Variants in ANKFY1 observed in about 807,000 individuals in gnomAD.
The protein encoded by ANKFY1 is ankyrin repeat and FYVE domain-containing protein 1.
Under a neutral mutation model 128.3 loss-of-function variants are expected in ANKFY1, and 47 were observed. The ratio of observed to expected loss-of-function variants is 0.37; its 90% confidence interval spans 0.29 to 0.47. The LOEUF is 0.47. Ranked by LOEUF, ANKFY1 falls within the 20% of genes least tolerant of loss-of-function variation. ANKFY1 has a pLI of 1.00. For synonymous variants in ANKFY1, 553 were observed against 601.6 expected (o/e 0.92, Z 1.18); for missense variants, 1,222 against 1,510.6 (o/e 0.81, Z 3.17).
chr17:4,247,517 A>T (rs901618090), intron 1 of ANKFY1, among the ~76,000 whole-genome samples: 1 of 152,140 alleles, frequency 6.6e-6, no homozygotes, highest in African/African-American at 2.4e-5. Flanking sequence ...TCACTAATGC[A>T]CTCAGGCAGC....
At chr17:4,185,639 T>C (rs985934851) in intron 11 of ANKFY1, among the ~76,000 whole-genome samples, 2 of 152,214 alleles carry the variant, frequency 1.3e-5, no homozygotes, top group East Asian at 3.8e-4. Context: ...GTTCCACCCT[T>C]AGTTTCTTCA....
chr17:4,237,135 C>G (rs1466478754), intron 2 of ANKFY1, among the ~76,000 whole-genome samples: 3 of 145,978 alleles, frequency 2.1e-5, no homozygotes, highest in African/African-American at 7.5e-5. Flanking sequence ...CACTCTGTCT[C>G]AAAAAAAAAA....
chr17:4,257,028 CA>C (rs1431115831), intron 1 of ANKFY1, among the ~76,000 whole-genome samples: 1 of 152,162 alleles, frequency 6.6e-6, no homozygotes, highest in Non-Finnish European at 1.5e-5. Flanking sequence ...GTATACTGGG[CA>C]AAGCAAATAT....
At chr17:4,172,787 C>G in intron 21 of ANKFY1, 107 bp from the exon 22 acceptor site, 1 of 1,407,960 alleles carries the variant, frequency 7.1e-7, no homozygotes, top group Non-Finnish European at 9.5e-7. Context: ...CTAAAAGACA[C>G]AAAACAAGTC....
chr17:4,182,229 C>T lies in ANKFY1; in HGVS notation c.2073G>A (p.Pro691=), dbSNP rs1401004319. 16 of 1,581,574 alleles carry T rather than the reference C, an allele frequency of 1.0e-5. No homozygotes were observed. The highest frequency in any genetic ancestry group is 9.4e-5 in the African/African-American group (7 of 74,506). Residue 691 remains proline (P), a synonymous_variant, in exon 15 of 25, where the codon CCG becomes CCA. Transcript: ENST00000341657. ...MSVPDEKGNP[P]LWLALANNLE... Reference sequence around the variant, plus strand: ...GATTGTTTGCCAATGCAAGCCACAGCGGGGGGTTCCCCTTCTCATCTGGCA... The same window carrying T: ...GATTGTTTGCCAATGCAAGCCACAGTGGGGGGTTCCCCTTCTCATCTGGCA...
chr17:4,223,847 C>T, intron 3 of ANKFY1: 1 of 1,122,458 alleles, frequency 8.9e-7, no homozygotes, highest in African/African-American at 1.6e-5. Flanking sequence ...CTCGCAATCC[C>T]ACAGCATCAG....
chr17:4,227,698 T>G (rs2060447622), intron 3 of ANKFY1, among the ~76,000 whole-genome samples: 1 of 152,190 alleles, frequency 6.6e-6, no homozygotes, highest in South Asian at 2.1e-4. Context: ...TGCCACATTT[T>G]GAAAAGGCCA....
chr17:4,216,949 T>G, intron 4 of ANKFY1, 34 bp downstream of exon 4: 1 of 1,613,440 alleles, frequency 6.2e-7, no homozygotes, highest in Non-Finnish European at 8.5e-7. Flanking sequence ...GCCACCACCA[T>G]CTGAGGTGCT....
In ANKFY1 at chr17:4,195,202, A is replaced by G. The variant is rs752716493; in HGVS notation, c.1173-25T>C. 2.5e-6 allele frequency: 4 copies of G among 1,580,872 alleles called. No homozygotes were observed. In the East Asian group the frequency reaches 6.7e-5, roughly 27 times the overall value. On this transcript the variant is annotated intron_variant, in intron 9 of 24. Coordinates refer to ENST00000341657, the MANE Select transcript of ANKFY1 (RefSeq NM_001330063.2). ...TCTGAAAAGCAGAAGCAGTGTCAAC[A>G]GCACATACAATCTTTTTGAGACACT... is the stretch of plus-strand genomic sequence containing the variant.
At chr17:4,184,445 CT>C (rs1275647890) in intron 12 of ANKFY1, among the ~76,000 whole-genome samples, 1 of 152,220 alleles carries the variant, frequency 6.6e-6, no homozygotes, top group Non-Finnish European at 1.5e-5. Flanking sequence ...GGGGCTGCCC[CT>C]GGCCCCTCTT....
At position 4,242,377 on chromosome 17, in the gene ANKFY1, C is replaced by T. The variant is rs746011410; in HGVS notation, c.82G>A (p.Ala28Thr). The change falls in exon 2 of 25, where the codon GCG becomes ACG. Residue 28 changes from alanine to threonine, a missense_variant. Physicochemically the swap from Ala to Thr is moderately conservative, Grantham distance 58 (BLOSUM62 0). Transcript: ENST00000341657. ...QEYVKLQKKL[A>T]ETEKRCALLA... Reference sequence around the variant, plus strand: ...AGAGCGCAGCGCTTCTCTGTCTCCGCCAGCTTCTTCTGCAGCTTGACATAC... The same window carrying T: ...AGAGCGCAGCGCTTCTCTGTCTCCGTCAGCTTCTTCTGCAGCTTGACATAC... 3 of 1,605,186 alleles carry T rather than the reference C, an allele frequency of 1.9e-6. No individual in the cohort carries two copies. The highest frequency in any genetic ancestry group is 2.6e-6 in the Non-Finnish European group (3 of 1,176,464).
At chr17:4,186,686 T>TTCC in intron 11 of ANKFY1, 1 of 425,096 alleles carries the variant, frequency 2.4e-6, no homozygotes, top group Non-Finnish European at 3.1e-6. Flanking sequence ...GTATGTCCTC[T>TTCC]TCCTCCTCCT....
At chr17:4,189,770 A>G (rs889927238) in intron 10 of ANKFY1, among the ~76,000 whole-genome samples, 1 of 152,092 alleles carries the variant, frequency 6.6e-6, no homozygotes, top group African/African-American at 2.4e-5. Flanking sequence ...CACGCCAGAC[A>G]GTAGGTCCAC....
At chr17:4,210,064 A>G (rs901161785) in intron 4 of ANKFY1, 117 bp from the exon 5 acceptor site, 1 of 858,704 alleles carries the variant, frequency 1.2e-6, no homozygotes, top group Admixed American at 3.0e-5. Context: ...ACTATGGGAT[A>G]AGGTTAAGCA....
intron 2 of ANKFY1, among the ~76,000 whole-genome samples, chr17:4,238,712 A>G (rs1329816370): frequency 1.3e-5 from 2 of 151,062 alleles, no homozygotes; most frequent in African/African-American, 2.4e-5. Context: ...GATCCGCCCA[A>G]CTCAACCTCT....
chr17:4,244,765 A>C (rs1042604318), intron 1 of ANKFY1, among the ~76,000 whole-genome samples: 7 of 151,856 alleles, frequency 4.6e-5, no homozygotes, highest in African/African-American at 1.7e-4. Context: ...CCTAAATCTG[A>C]TCGCTCTCCT....
chr17:4,225,148 G>A (rs1598107960), intron 3 of ANKFY1, among the ~76,000 whole-genome samples: 1 of 152,174 alleles, frequency 6.6e-6, no homozygotes, highest in East Asian at 1.9e-4. Flanking sequence ...TTGAGGTCAG[G>A]AGTTTGAAAC....
At chr17:4,250,104 AC>A (rs966546088) in intron 1 of ANKFY1, among the ~76,000 whole-genome samples, 3 of 152,086 alleles carry the variant, frequency 2.0e-5, no homozygotes, top group African/African-American at 7.2e-5. Context: ...TATTCTGACT[AC>A]CCACTTTCTA....
chr17:4,215,568 C>G (rs189231035), intron 4 of ANKFY1, among the ~76,000 whole-genome samples: 2 of 152,228 alleles, frequency 1.3e-5, no homozygotes, highest in Admixed American at 1.3e-4. Flanking sequence ...ACCCTTGACT[C>G]CACTCCCGGT....
Sources: gnomAD v4.1 joint callset for allele counts (sites outside exome capture counted in the v4.1 genomes callset) on GRCh38, gnomAD v4.1.1 for gene constraint, MANE v1.5 for transcripts, NCBI Gene and HGNC (gene_info 2026-07-23, HGNC 2026-07-21) for gene names.